Variants in RGS11 observed in about 807,000 individuals in gnomAD.
RGS11 encodes regulator of G protein signaling 11, also known as regulator of G-protein signaling 11.
In RGS11, 86 loss-of-function variants were observed where a neutral mutation model predicts 71.1. The ratio of observed to expected loss-of-function variants is 1.21; its 90% CI spans 1.02 to 1.45. The LOEUF (loss-of-function observed/expected upper bound fraction) is 1.45. RGS11 is among the 40% of genes most tolerant of loss of function. The pLI is 0.00. For missense variants in RGS11, 734 were observed against 635.1 expected, an observed-to-expected ratio of 1.16 and a Z score of -1.67; for synonymous variants, 298 against 254.2, an observed-to-expected ratio of 1.17 and a Z score of -1.64.
rs545308573 is a variant in RGS11, at chr16:268,505, G to T, written c.*764C>A. On this transcript the variant is annotated 3_prime_UTR_variant, in exon 17 of 17. Transcript: ENST00000397770. ...GAGGCACTTGGGGGATGGGGAGCAAGGCCAGCTCACGAAGGAAGACTTGGG... is the reference window on the plus strand; with the variant it reads ...GAGGCACTTGGGGGATGGGGAGCAATGCCAGCTCACGAAGGAAGACTTGGG... 7.9e-4 allele frequency: 428 copies of T among 540,292 alleles called. 5 individuals carry two copies. In the South Asian group the frequency reaches 8.0e-3, roughly 10 times the overall value. 33.5% of individuals were successfully genotyped at this position (540,292 alleles called of 1,614,324 possible).
At position 273,587 on chromosome 16, in the gene RGS11, C is replaced by T. The variant is rs180691052; in HGVS notation, c.507-31G>A. On this transcript the variant is annotated intron_variant, in intron 7 of 16. Coordinates refer to ENST00000397770, the MANE Select transcript of RGS11 (RefSeq NM_183337.3). Reference sequence around the variant, plus strand: ...AGGAGGAGGCCGAGTTGAGGGCACGCCCTGCACACAGCAGCCCCTCCGCCC... The same window carrying T: ...AGGAGGAGGCCGAGTTGAGGGCACGTCCTGCACACAGCAGCCCCTCCGCCC... 5.2e-6 allele frequency: 8 copies of T among 1,546,514 alleles called. No homozygotes were observed. The African/African-American group carries it at 8.2e-5, about 16-fold the overall frequency.
At position 275,931 on chromosome 16, in the gene RGS11, C is replaced by G; in HGVS notation, c.-20G>C. ...GGCCATGGCTGCGGGGCGAGGCCGG[C>G]GGGGATGACCGACGTCCCGCCCGGC... On this transcript the variant is annotated 5_prime_UTR_variant, in exon 1 of 17. Transcript: ENST00000397770. 2.7e-6 allele frequency: 1 copy of G among 363,850 alleles called. No individual in the cohort carries two copies. The highest frequency in any genetic ancestry group is 3.1e-6 in the Non-Finnish European group (1 of 326,248). 22.5% of individuals were successfully genotyped at this position (363,850 alleles called of 1,614,324 possible). A position where few individuals can be genotyped will look rare whatever the true frequency, so the allele number is the denominator to read the frequency against.
chr16:271,353 C>T, intron 11 of RGS11, 38 bp from the exon 12 acceptor site: 5 of 1,612,636 alleles, frequency 3.1e-6, no homozygotes, highest in African/African-American at 1.3e-5. Flanking sequence ...GGAGGGGCCT[C>T]AGCACTCAGC....
intron 6 of RGS11, 98 bp downstream of exon 6, chr16:273,945 A>C (rs779745540): frequency 7.9e-5 from 113 of 1,436,208 alleles, no homozygotes; most frequent in Non-Finnish European, 1.1e-4. Context: ...CCTGGGCTGT[A>C]TGTTCTGGGG....
At chr16:275,573 C>T in intron 1 of RGS11, 75 bp from the exon 2 acceptor site, 1 of 1,277,168 alleles carries the variant, frequency 7.8e-7, no homozygotes, top group Non-Finnish European at 1.1e-6. Flanking sequence ...CGGGATGCCC[C>T]GGATCCGGGA....
intron 3 of RGS11, 45 bp from the exon 4 acceptor site, chr16:275,127 G>T: frequency 6.7e-7 from 1 of 1,494,804 alleles, no homozygotes; most frequent in South Asian, 1.3e-5. Flanking sequence ...GGAAGCGGGC[G>T]AGGGCGGGAC....
intron 9 of RGS11, chr16:272,484 G>A (rs924316029): frequency 2.6e-5 from 35 of 1,343,772 alleles, no homozygotes; most frequent in Non-Finnish European, 3.3e-5. Flanking sequence ...TCTGGTTCTG[G>A]AGGCCTCCAC....
At chr16:274,521 G>A (rs556997966) in intron 4 of RGS11, 66 of 598,424 alleles carry the variant, frequency 1.1e-4, no homozygotes, top group Non-Finnish European at 1.8e-4. Flanking sequence ...CATTCAAGGC[G>A]GGGTGGGGCT....
chr16:270,204 C>G (rs7499105), intron 15 of RGS11, among the ~76,000 whole-genome samples: 34,504 of 151,394 alleles, frequency 0.23, 7,151 homozygotes, highest in African/African-American at 0.54. Flanking sequence ...AGCCGAGATC[C>G]CGCCACTGCA....
At chr16:272,625 C>T in intron 9 of RGS11, 3 of 1,450,728 alleles carry the variant, frequency 2.1e-6, no homozygotes, top group Non-Finnish European at 2.7e-6. Context: ...GCCCCCTCGT[C>T]CCCACCACTC....
At chr16:271,666 C>G in intron 9 of RGS11, 97 bp from the exon 10 acceptor site, 2 of 1,207,186 alleles carry the variant, frequency 1.7e-6, no homozygotes, top group Non-Finnish European at 2.4e-6. Flanking sequence ...AGCCCCTGCC[C>G]CATAGATCTG....
Position 268,626 on chromosome 16 carries a change from G to T in RGS11, c.*643C>A. 4.2e-6 allele frequency: 3 copies of T among 708,818 alleles called. No homozygotes were observed. The highest frequency in any genetic ancestry group is 7.1e-6 in the Non-Finnish European group (3 of 422,082). The allele number at this position is 708,818 out of a possible 1,614,324, so 43.9% of individuals were successfully genotyped here. ...TCAGAGTTGTCTATAAATCGGGGGG[G>T]AGGCCGCGGCCTCGAGGTGGGAAAG... On this transcript the variant is annotated 3_prime_UTR_variant, in exon 17 of 17. Transcript: ENST00000397770.
intron 15 of RGS11, 36 bp from the exon 16 acceptor site, chr16:269,621 C>T: frequency 6.7e-7 from 1 of 1,482,836 alleles, no homozygotes; most frequent in Non-Finnish European, 9.4e-7. Flanking sequence ...GACCCTTCTG[C>T]CTCCTCACCT....
chr16:268,814 G>T lies in RGS11; in HGVS notation c.*455C>A, dbSNP rs1401989764. The T allele has an allele frequency of 1.3e-6, 2 of 1,550,366 alleles. No individual in the cohort carries two copies. The highest frequency in any genetic ancestry group is 1.2e-5 in the South Asian group (1 of 84,058). On this transcript the variant is annotated 3_prime_UTR_variant, in exon 17 of 17. Transcript: ENST00000397770. ...GACAGCGGAGAGGCTCTTGGACGGGGCAGAGCTCGCGCCGAGACCTGCATG... is the reference window on the plus strand; with the variant it reads ...GACAGCGGAGAGGCTCTTGGACGGGTCAGAGCTCGCGCCGAGACCTGCATG...
In RGS11 at chr16:271,406, G is replaced by A. The variant is rs1407419318; in HGVS notation, c.742C>T (p.Leu248Phe). The change falls in exon 11 of 17, where the codon CTT (leucine) becomes TTT (phenylalanine). Residue 248 changes from leucine to phenylalanine, a missense_variant. Physicochemically the swap from Leu to Phe is conservative, Grantham distance 22. Coordinates refer to ENST00000397770, the MANE Select transcript of RGS11 (RefSeq NM_183337.3). Reference sequence around the variant, plus strand: ...ACCCCTCACCCCACTCACGCCTCAAGGCAGACGGAGGACTTCACTCGGGTC... The same window carrying A: ...ACCCCTCACCCCACTCACGCCTCAAAGCAGACGGAGGACTTCACTCGGGTC... ...GRTRVKSSVC[L>F]EAYLSFCGQR... The A allele has an allele frequency of 1.2e-6, 2 of 1,613,738 alleles. No homozygotes were observed. The highest frequency in any genetic ancestry group is 1.3e-5 in the African/African-American group (1 of 75,042).
At chr16:273,732 G>A (rs1029249561) in intron 7 of RGS11, 28 bp downstream of exon 7, 1 of 1,591,336 alleles carries the variant, frequency 6.3e-7, no homozygotes. Context: ...GGCGCCTGCA[G>A]GCGGGGCGGG....
In RGS11 at chr16:269,323, G is replaced by A. The variant is rs1419030226; in HGVS notation, c.1350C>T (p.Thr450=). 2.5e-6 allele frequency: 4 copies of A among 1,600,744 alleles called. No individual in the cohort carries two copies. The South Asian group carries it at 3.4e-5, about 14-fold the overall frequency. The part of the protein sequence containing the change: ...HSSPSPALLP[T]PVEPTAACGP... ...CACAAGCCGCTGTGGGCTCCACAGGGGTGGGAAGGAGTGCAGGGCTGGGGC... is the reference window on the plus strand; with the variant it reads ...CACAAGCCGCTGTGGGCTCCACAGGAGTGGGAAGGAGTGCAGGGCTGGGGC... Residue 450 remains threonine, a synonymous_variant, in exon 17 of 17, where the codon ACC becomes ACT. Transcript: ENST00000397770.
chr16:275,923 GAGGCCGGC>G lies in RGS11; in HGVS notation c.-20_-13del. The G allele has an allele frequency of 1.6e-6, 1 of 628,606 alleles. No homozygotes were observed. The highest frequency in any genetic ancestry group is 1.9e-6 in the Non-Finnish European group (1 of 520,236). The allele number at this position is 628,606 out of a possible 1,614,324, so 38.9% of individuals were successfully genotyped here. A position where few individuals can be genotyped will look rare whatever the true frequency, so the allele number is the denominator to read the frequency against. On this transcript the variant is annotated 5_prime_UTR_variant, in exon 1 of 17. Transcript: ENST00000397770. ...GGGCCGGCGGCCATGGCTGCGGGGC[GAGGCCGGC>G]GGGGATGACCGACGTCCCGCCCGGC...
Position 275,013 on chromosome 16 carries a change from A to G in RGS11, c.281T>C (p.Leu94Pro). ...GGGCGTCTCGTCTGGCCGGAGCATG[A>G]GGCTACGGGGGTCGCGCAGCGGGTA... is the stretch of plus-strand genomic sequence containing the variant. ...YIYPLRDPRS[L>P]MLRPDETPYR... The change falls in exon 4 of 17, where the codon CTC becomes CCC. Residue 94 changes from leucine (L) to proline (P), a missense_variant. Leu to Pro is a moderately conservative substitution (Grantham distance 98, BLOSUM62 -3). Coordinates refer to ENST00000397770, the MANE Select transcript of RGS11 (RefSeq NM_183337.3). 1 of 1,524,396 alleles carries G rather than the reference A, an allele frequency of 6.6e-7. No individual in the cohort carries two copies. Among genetic ancestry groups the G allele is most frequent in the Non-Finnish European group, 8.8e-7 (1 of 1,132,850 alleles). The allele number at this position is 1,524,396 out of a possible 1,614,324, so 94.4% of individuals were successfully genotyped here. A position where few individuals can be genotyped will look rare whatever the true frequency, so the allele number is the denominator to read the frequency against.
Sources: allele counts gnomAD v4.1 joint callset (sites outside exome capture counted in the v4.1 genomes callset), GRCh38; gene constraint gnomAD v4.1.1; transcripts MANE v1.5; gene names NCBI Gene and HGNC (gene_info 2026-07-23, HGNC 2026-07-21).